CNTN6: variants seen among roughly 807,000 people sequenced by gnomAD.
The protein encoded by CNTN6 is contactin-6.
A neutral mutation model predicts 122.8 loss-of-function variants in CNTN6; 137 were observed. The observed-to-expected ratio is 1.12, with a 90% CI of 0.97 to 1.29. The LOEUF (loss-of-function observed/expected upper bound fraction) is 1.29. Among genes scored for constraint, CNTN6 ranks in the 50% most tolerant of loss-of-function variants. The pLI, the probability that CNTN6 is intolerant of heterozygous loss-of-function variation, is 0.00. For synonymous variants in CNTN6, 570 were observed against 426.0 expected, an observed-to-expected ratio of 1.34 and a Z score of -4.16; for missense variants, 1,634 against 1,223.4, an observed-to-expected ratio of 1.34 and a Z score of -5.01.
chr3:1,403,861 C>A lies in CNTN6; in HGVS notation c.*443C>A, dbSNP rs375196649. On this transcript the variant is annotated 3_prime_UTR_variant, in exon 23 of 23. Transcript: ENST00000446702. Reference sequence around the variant, plus strand: ...CAATTATTTGTTTATAGTTGGGATTCTTTAAAAATACAAACTATTCCAAAG... The same window carrying A: ...CAATTATTTGTTTATAGTTGGGATTATTTAAAAATACAAACTATTCCAAAG... 95 of 152,286 alleles carry A rather than the reference C, an allele frequency of 6.2e-4. 2 individuals carry two copies. In the South Asian group the frequency reaches 0.019, roughly 31 times the overall value. The allele number at this position is 152,286 out of a possible 1,614,324, so 9.4% of individuals were successfully genotyped here.
At chr3:1,155,917 G>A (rs1326298726) in intron 2 of CNTN6, among the ~76,000 whole-genome samples, 2 of 152,134 alleles carry the variant, frequency 1.3e-5, no homozygotes, top group East Asian at 3.8e-4. Flanking sequence ...CATAAAGCAC[G>A]GCTGATTTTG....
intron 4 of CNTN6, among the ~76,000 whole-genome samples, chr3:1,245,314 A>AT (rs1559598061): frequency 0.043 from 954 of 22,438 alleles, 247 homozygotes; most frequent in African/African-American, 0.065. Flanking sequence ...ATATATATAT[A>AT]TATATATATA....
At chr3:1,205,154 G>A (rs1398800767) in intron 2 of CNTN6, among the ~76,000 whole-genome samples, 10 of 152,078 alleles carry the variant, frequency 6.6e-5, no homozygotes, top group African/African-American at 2.4e-4. Flanking sequence ...TCCACAATCC[G>A]AGGAACGTGG....
At position 1,379,120 on chromosome 3, in the gene CNTN6, C is replaced by G. The variant is rs1710291758; in HGVS notation, c.2166+2045C>G. Among the ~76,000 whole-genome samples the G allele has an allele frequency of 2.0e-5, 3 of 152,174 alleles. No homozygotes were observed. In the South Asian group the frequency reaches 6.2e-4, roughly 32 times the overall value. On this transcript the variant is annotated intron_variant, in intron 17 of 22. Transcript: ENST00000446702. The stretch of plus-strand genomic sequence containing the variant: ...CAGGCTGTTGTTGCAATTGCTTGTA[C>G]ACAGTCTATAATGAGGGCCCAAATG...
At chr3:1,259,367 T>C (rs772192434) in intron 4 of CNTN6, among the ~76,000 whole-genome samples, 75 of 152,168 alleles carry the variant, frequency 4.9e-4, no homozygotes, top group Non-Finnish European at 9.4e-4. Context: ...CATTAATTAA[T>C]AGAAATGCAA....
chr3:1,316,431 C>T (rs764138885), intron 7 of CNTN6, among the ~76,000 whole-genome samples: 22 of 151,688 alleles, frequency 1.5e-4, no homozygotes, highest in Non-Finnish European at 2.8e-4. Context: ...TGCTACACAC[C>T]TTTAAACAAC....
chr3:1,151,666 TCCATAGTC>T (rs2092845760), intron 2 of CNTN6, among the ~76,000 whole-genome samples: 1 of 152,132 alleles, frequency 6.6e-6, no homozygotes, highest in Non-Finnish European at 1.5e-5. Flanking sequence ...CAACAATAGG[TCCATAGTC>T]CCTGCCCTCT....
intron 20 of CNTN6, among the ~76,000 whole-genome samples, chr3:1,392,020 A>G (rs1426368442): frequency 6.6e-6 from 1 of 152,206 alleles, no homozygotes; most frequent in African/African-American, 2.4e-5. Flanking sequence ...CCACCAAGCC[A>G]CCAATGACTT....
chr3:1,201,939 G>A (rs2093878000), intron 2 of CNTN6, among the ~76,000 whole-genome samples: 1 of 152,094 alleles, frequency 6.6e-6, no homozygotes, highest in Non-Finnish European at 1.5e-5. Flanking sequence ...TATCTTAACA[G>A]AATTATTTTG....
At chr3:1,385,875 T>C in intron 20 of CNTN6, 78 bp downstream of exon 20, 1 of 1,324,360 alleles carries the variant, frequency 7.6e-7, no homozygotes, top group Non-Finnish European at 1.0e-6. Flanking sequence ...TTCATTTCAT[T>C]CCCACACCTC....
intron 2 of CNTN6, among the ~76,000 whole-genome samples, chr3:1,213,013 A>G (rs1670460644): frequency 6.6e-6 from 1 of 152,186 alleles, no homozygotes; most frequent in African/African-American, 2.4e-5. Flanking sequence ...AAATGACCTA[A>G]AGTTACTTAG....
intron 7 of CNTN6, among the ~76,000 whole-genome samples, chr3:1,300,187 C>T (rs1025550876): frequency 2.0e-5 from 3 of 152,032 alleles, no homozygotes; most frequent in Non-Finnish European, 4.4e-5. Flanking sequence ...GGGGTTTCAG[C>T]ACGTTAGCCA....
rs752416268 is a variant in CNTN6 at position 1,295,785 on chromosome 3, A to G, written c.639A>G (p.Pro213=). The change falls in exon 6 of 23, where the codon CCA becomes CCG. Residue 213 remains proline, a synonymous_variant. Coordinates refer to ENST00000446702, the MANE Select transcript of CNTN6 (RefSeq NM_001289080.2). ...GAAGTGTTCAAGGTCCACCCACTCCATTAGTGCAGCGCACTGATGGTAAGA... is the reference window on the plus strand; with the variant it reads ...GAAGTGTTCAAGGTCCACCCACTCCGTTAGTGCAGCGCACTGATGGTAAGA... ...AQRSVQGPPT[P]LVQRTDGVMG... is the part of the protein sequence containing the mutation. The G allele has an allele frequency of 1.2e-6, 2 of 1,613,916 alleles. No individual in the cohort carries two copies. Among genetic ancestry groups the G allele is most frequent in the South Asian group, 1.1e-5 (1 of 91,072 alleles).
At chr3:1,384,619 CTTTGGAT>C (rs1692467940) in intron 19 of CNTN6, among the ~76,000 whole-genome samples, 2 of 150,610 alleles carry the variant, frequency 1.3e-5, no homozygotes, top group Non-Finnish European at 3.0e-5. Context: ...ATTTATTTAA[CTTTGGAT>C]TTAGAATAAA....
chr3:1,311,968 T>C (rs947944713), intron 7 of CNTN6, among the ~76,000 whole-genome samples: 1 of 152,074 alleles, frequency 6.6e-6, no homozygotes, highest in Admixed American at 6.6e-5. Context: ...TGAATAATAA[T>C]GTAATGAATA....
At chr3:1,184,316 T>C (rs1388350493) in intron 2 of CNTN6, among the ~76,000 whole-genome samples, 1 of 152,184 alleles carries the variant, frequency 6.6e-6, no homozygotes, top group Non-Finnish European at 1.5e-5. Flanking sequence ...AAATGAATAC[T>C]ATAAAAGTGT....
chr3:1,312,104 C>G (rs960149646), intron 7 of CNTN6, among the ~76,000 whole-genome samples: 2 of 151,942 alleles, frequency 1.3e-5, no homozygotes, highest in Non-Finnish European at 2.9e-5. Context: ...GCCAGTTTCT[C>G]AAGAAAGATT....
chr3:1,305,259 C>T (rs1698172848), intron 7 of CNTN6, among the ~76,000 whole-genome samples: 1 of 152,118 alleles, frequency 6.6e-6, no homozygotes. Flanking sequence ...GAAGTGTTTA[C>T]TCATATAATC....
At chr3:1,356,745 C>A (rs888995803) in intron 12 of CNTN6, among the ~76,000 whole-genome samples, 4 of 151,816 alleles carry the variant, frequency 2.6e-5, no homozygotes, top group African/African-American at 9.7e-5. Flanking sequence ...CACAGAATGA[C>A]TGAAAGCATT....
Sources: allele counts gnomAD v4.1 joint callset (sites outside exome capture counted in the v4.1 genomes callset), GRCh38; gene constraint gnomAD v4.1.1; transcripts MANE v1.5; gene names NCBI Gene and HGNC (gene_info 2026-07-23, HGNC 2026-07-21).